Variants in LRRTM4 observed in about 807,000 individuals in gnomAD.
LRRTM4 encodes the protein leucine-rich repeat transmembrane neuronal protein 4.
A neutral mutation model predicts 47.6 loss-of-function variants in LRRTM4; 25 were observed. The ratio of observed to expected loss-of-function variants is 0.53; its 90% CI spans 0.38 to 0.73. LRRTM4 has a LOEUF of 0.73. LRRTM4 is among the 30% of genes least tolerant of loss of function. The pLI is 0.00. For synonymous variants in LRRTM4, 311 were observed against 269.5 expected (o/e 1.15, Z -1.51); for missense variants, 638 against 713.4 (o/e 0.89, Z 1.20).
intron 3 of LRRTM4, among the ~76,000 whole-genome samples, chr2:77,480,822 G>GTGTGTGT (rs1222517611): frequency 1.9e-3 from 142 of 74,488 alleles, no homozygotes; most frequent in African/African-American, 7.8e-3. Context: ...GTGTGTGTGT[G>GTGTGTGT]GAGAGAGAGA....
At chr2:77,249,009 A>G (rs368221565) in intron 3 of LRRTM4, among the ~76,000 whole-genome samples, 10 of 152,300 alleles carry the variant, frequency 6.6e-5, no homozygotes, top group African/African-American at 1.7e-4. Context: ...GTACAACACC[A>G]CAAGCATGAT....
At chr2:77,307,294 C>T (rs1481533656) in intron 3 of LRRTM4, among the ~76,000 whole-genome samples, 8 of 151,516 alleles carry the variant, frequency 5.3e-5, no homozygotes, top group African/African-American at 1.9e-4. Context: ...TGAAATGTGA[C>T]TTAGTAGTCA....
chr2:76,763,709 G>A (rs940710749), intron 3 of LRRTM4, among the ~76,000 whole-genome samples: 7 of 152,152 alleles, frequency 4.6e-5, no homozygotes, highest in African/African-American at 1.7e-4. Flanking sequence ...GAGGCCAGAA[G>A]AGTTTAGAGG....
intron 3 of LRRTM4, among the ~76,000 whole-genome samples, chr2:76,946,488 G>A (rs1252956606): frequency 6.6e-6 from 1 of 151,702 alleles, no homozygotes; most frequent in East Asian, 1.9e-4. Flanking sequence ...TGGAAATGAT[G>A]CTATAGACTA....
At chr2:77,398,078 T>C (rs1054670076) in intron 3 of LRRTM4, among the ~76,000 whole-genome samples, 4 of 151,866 alleles carry the variant, frequency 2.6e-5, no homozygotes, top group Non-Finnish European at 5.9e-5. Flanking sequence ...GAACCTCCCA[T>C]TTCATTGTGC....
intron 3 of LRRTM4, among the ~76,000 whole-genome samples, chr2:77,010,545 C>CACACACACACACACACACACACAG (rs370829024): frequency 2.7e-5 from 4 of 148,974 alleles, no homozygotes; most frequent in Admixed American, 6.7e-5. Flanking sequence ...CACACACACA[C>CACACACACACACACACACACACAG]AGTCTTTAAC....
At chr2:76,878,743 G>A (rs1192112374) in intron 3 of LRRTM4, among the ~76,000 whole-genome samples, 1 of 152,026 alleles carries the variant, frequency 6.6e-6, no homozygotes, top group East Asian at 1.9e-4. Context: ...GCATGGTGGT[G>A]GGTGCTTGGA....
Position 76,888,117 on chromosome 2 carries a change from T to TATGTGTGTGTATATATACATATGTAC in LRRTM4, c.1552-139202_1552-139201insGTACATATGTATATATACACACACAT, listed in dbSNP as rs1558715471. Among the ~76,000 whole-genome samples, 13 of 150,894 alleles carry TATGTGTGTGTATATATACATATGTAC rather than the reference T, an allele frequency of 8.6e-5. No homozygotes were observed. The South Asian group carries it at 1.5e-3, about 17-fold the overall frequency. ...GTGTGTGTGTATATATACATATGTA[T>TATGTGTGTGTATATATACATATGTAC]ACATATGTGTGTGTATATATGTATT... is the stretch of plus-strand genomic sequence containing the variant. On this transcript the variant is annotated intron_variant, in intron 3 of 3. Coordinates refer to ENST00000409884, the MANE Select transcript of LRRTM4 (RefSeq NM_001134745.3).
At chr2:77,317,460 G>A (rs1198479144) in intron 3 of LRRTM4, among the ~76,000 whole-genome samples, 1 of 152,032 alleles carries the variant, frequency 6.6e-6, no homozygotes, top group Non-Finnish European at 1.5e-5. Flanking sequence ...TTATTCCTAT[G>A]AACTTTCATT....
Position 77,447,314 on chromosome 2 carries a change from A to G in LRRTM4, c.1551+71004T>C, listed in dbSNP as rs548149090. The stretch of plus-strand genomic sequence containing the variant: ...GTGTATTGTAAGCAAGTATATCTGT[A>G]AAGACATAGGTATATTTATATGTGT... On this transcript the variant is annotated intron_variant, in intron 3 of 3. Transcript: ENST00000409884. Among the ~76,000 whole-genome samples the G allele has an allele frequency of 5.3e-5, 8 of 152,130 alleles. No homozygotes were observed. The South Asian group carries it at 1.5e-3, about 28-fold the overall frequency.
intron 3 of LRRTM4, among the ~76,000 whole-genome samples, chr2:77,174,429 C>T (rs1673135900): frequency 6.6e-6 from 1 of 152,182 alleles, no homozygotes. Context: ...TGAGACAGCA[C>T]AGGTGTATCT....
chr2:77,452,514 C>A (rs114228646), intron 3 of LRRTM4, among the ~76,000 whole-genome samples: 1 of 152,226 alleles, frequency 6.6e-6, no homozygotes, highest in Non-Finnish European at 1.5e-5. Flanking sequence ...TAAAATAGAG[C>A]AAAATTATTT....
intron 3 of LRRTM4, among the ~76,000 whole-genome samples, chr2:77,137,021 G>A (rs1671964579): frequency 6.6e-6 from 1 of 151,920 alleles, no homozygotes; most frequent in Admixed American, 6.6e-5. Flanking sequence ...GAAAGTGACA[G>A]GGAGAATGGA....
At chr2:77,480,833 GAGAGAGAGAGAGA>G (rs1677668646) in intron 3 of LRRTM4, among the ~76,000 whole-genome samples, 14 of 49,156 alleles carry the variant, frequency 2.8e-4, no homozygotes, top group African/African-American at 9.3e-4. Flanking sequence ...GAGAGAGAGA[GAGAGAGAGAGAGA>G]GAGAGAGAGA....
At chr2:76,754,137 T>A (rs955076468) in intron 3 of LRRTM4, among the ~76,000 whole-genome samples, 1 of 152,184 alleles carries the variant, frequency 6.6e-6, no homozygotes, top group African/African-American at 2.4e-5. Context: ...TAAATCCAGA[T>A]AAAGAATTCA....
chr2:76,967,638 A>G (rs954630168), intron 3 of LRRTM4, among the ~76,000 whole-genome samples: 1 of 151,688 alleles, frequency 6.6e-6, no homozygotes, highest in Non-Finnish European at 1.5e-5. Context: ...GCCTTGCCAT[A>G]TGTATAAAAA....
chr2:76,795,640 G>A (rs72815443), intron 3 of LRRTM4, among the ~76,000 whole-genome samples: 17,110 of 151,796 alleles, frequency 0.11, 1,137 homozygotes, highest in Non-Finnish European at 0.14. Context: ...GACACAGGTT[G>A]ACTCCATCTC....
chr2:77,169,017 T>G (rs1385282454), intron 3 of LRRTM4, among the ~76,000 whole-genome samples: 2 of 152,156 alleles, frequency 1.3e-5, no homozygotes, highest in East Asian at 3.8e-4. Flanking sequence ...GCATTTGATA[T>G]AATTCAATAT....
Position 77,319,475 on chromosome 2 carries a change from A to G in LRRTM4, c.1551+198843T>C, listed in dbSNP as rs149999362. On this transcript the variant is annotated intron_variant, in intron 3 of 3. Coordinates refer to ENST00000409884, the MANE Select transcript of LRRTM4 (RefSeq NM_001134745.3). ...ACCTGCTACTTGATTTCACTCAACC[A>G]TCTCTTGCTCCACCCCTTCAAGCTG... 3.9e-5 allele frequency among the ~76,000 whole-genome samples: 6 copies of G among 152,150 alleles called. No individual in the cohort carries two copies. In the East Asian group the frequency reaches 9.7e-4, roughly 25 times the overall value.
Sources: allele counts gnomAD v4.1 joint callset (sites outside exome capture counted in the v4.1 genomes callset), GRCh38; gene constraint gnomAD v4.1.1; transcripts MANE v1.5; gene names NCBI Gene and HGNC (gene_info 2026-07-23, HGNC 2026-07-21).